Variants in HIVEP3 observed in about 807,000 individuals in gnomAD.
HIVEP3 encodes transcription factor HIVEP3.
A neutral mutation model predicts 152.8 loss-of-function variants in HIVEP3; 49 were observed. The observed-to-expected ratio is 0.32, with a 90% CI of 0.26 to 0.41. HIVEP3 has a LOEUF of 0.41. Among genes scored for constraint, HIVEP3 ranks in the 10% least tolerant of loss-of-function variants. The pLI is 1.00. For missense variants in HIVEP3, 2,790 were observed against 3,103.3 expected (o/e 0.90, Z 2.40); for synonymous variants, 1,269 against 1,289.0 (o/e 0.98, Z 0.33).
chr1:42,026,202 A>G (rs2124538143), intron 1 of HIVEP3, among the ~76,000 whole-genome samples: 1 of 152,176 alleles, frequency 6.6e-6, no homozygotes, highest in Admixed American at 6.5e-5. Flanking sequence ...AACTAGTTTT[A>G]TTTCTGGTTC....
At chr1:41,751,454 C>T (rs939382971) in intron 1 of HIVEP3, among the ~76,000 whole-genome samples, 4 of 150,250 alleles carry the variant, frequency 2.7e-5, no homozygotes, top group African/African-American at 9.8e-5. Flanking sequence ...TGAGTAGGTG[C>T]CTTTCTATAT....
chr1:41,895,270 C>T (rs1050532344), intron 1 of HIVEP3, among the ~76,000 whole-genome samples: 1 of 152,166 alleles, frequency 6.6e-6, no homozygotes, highest in Non-Finnish European at 1.5e-5. Flanking sequence ...TCCCCATGAA[C>T]CCAGTTCCCT....
At chr1:42,009,737 T>C (rs1645482426) in intron 1 of HIVEP3, among the ~76,000 whole-genome samples, 1 of 152,190 alleles carries the variant, frequency 6.6e-6, no homozygotes, top group Non-Finnish European at 1.5e-5. Context: ...AAGAATTTGA[T>C]TCTTCCTTTA....
chr1:41,930,143 T>G (rs1644989409), intron 1 of HIVEP3, among the ~76,000 whole-genome samples: 1 of 152,210 alleles, frequency 6.6e-6, no homozygotes. Context: ...CTCAGTATCC[T>G]GATTGATTTT....
chr1:42,022,664 A>G (rs2124536097), intron 1 of HIVEP3, among the ~76,000 whole-genome samples: 1 of 152,310 alleles, frequency 6.6e-6, no homozygotes, highest in East Asian at 1.9e-4. Context: ...ATATTTTTAA[A>G]CAATTGTCTG....
chr1:41,544,714 CCACCTGT>C (rs1643634671), intron 5 of HIVEP3, among the ~76,000 whole-genome samples: 1 of 147,302 alleles, frequency 6.8e-6, no homozygotes, highest in Admixed American at 6.7e-5. Context: ...ACCACCACTA[CCACCTGT>C]ACCACCACCG....
chr1:41,866,152 C>T (rs1643968202), intron 1 of HIVEP3, among the ~76,000 whole-genome samples: 1 of 152,190 alleles, frequency 6.6e-6, no homozygotes, highest in African/African-American at 2.4e-5. Flanking sequence ...TTTACACCAG[C>T]AGTGGTCAAA....
chr1:41,874,393 C>CTTT (rs1644132126), intron 1 of HIVEP3, among the ~76,000 whole-genome samples: 2 of 152,190 alleles, frequency 1.3e-5, no homozygotes, highest in African/African-American at 4.8e-5. Flanking sequence ...AGCTGGCTAG[C>CTTT]ACATAAACCT....
In HIVEP3 at chr1:41,873,597, T is replaced by A. The variant is rs191293928; in HGVS notation, c.-801+44816A>T. Among the ~76,000 whole-genome samples, 2 of 152,320 alleles carry A rather than the reference T, an allele frequency of 1.3e-5. No homozygotes were observed. The highest frequency in any genetic ancestry group is 3.9e-4 in the East Asian group (2 of 5,190). ...GACACTAAGCTGAAATTAGATAAAT[T>A]TAGGTTTTCTGTATTCTCGCTGACT... On this transcript the variant is annotated intron_variant, in intron 1 of 8. Coordinates refer to ENST00000372583, the MANE Select transcript of HIVEP3 (RefSeq NM_024503.5). The surrounding 1 kb of genome is among the most constrained non-coding windows in gnomAD (Gnocchi z 4.2).
At position 41,893,716 on chromosome 1, in the gene HIVEP3, T is replaced by TTG. The variant is rs199825615; in HGVS notation, c.-801+24695_-801+24696dup. Among the ~76,000 whole-genome samples the TTG allele has an allele frequency of 1.5e-3, 221 of 150,044 alleles. 6 individuals are homozygous for TTG. In the East Asian group the frequency reaches 0.039, roughly 27 times the overall value. ...TATATATATGTGTGTGTGTATGTGTTTGTGTGTGTGTATATAGATATACAT... is the reference window on the plus strand; with the variant it reads ...TATATATATGTGTGTGTGTATGTGTTTGTGTGTGTGTGTATATAGATATACAT... On this transcript the variant is annotated intron_variant, in intron 1 of 8. Coordinates refer to ENST00000372583, the MANE Select transcript of HIVEP3 (RefSeq NM_024503.5).
Position 41,582,613 on chromosome 1 carries a change from C to T in HIVEP3, c.2185G>A (p.Ala729Thr). The T allele has an allele frequency of 3.7e-6, 6 of 1,613,450 alleles. No individual in the cohort carries two copies. Reference protein sequence around the residue: ...KSLGDEEEPPAFESTKSQFGS... With the variant: ...KSLGDEEEPPTFESTKSQFGS... ...AACTGACTTTTTGTGGACTCAAAGG[C>T]AGGTGGCTCTTCCTCGTCCCCAAGG... is the stretch of plus-strand genomic sequence containing the variant. The change falls in exon 4 of 9, where the codon GCC becomes ACC. Residue 729 changes from alanine (A) to threonine (T), a missense_variant. Physicochemically the swap from Ala to Thr is moderately conservative, Grantham distance 58. This residue lies in a region of HIVEP3 where 339 missense variants were observed against 327.0 expected (regional missense o/e 1.04). Coordinates refer to ENST00000372583, the MANE Select transcript of HIVEP3 (RefSeq NM_024503.5). This position sits in a 1 kb window ranked among gnomAD's most constrained non-coding sequence, Gnocchi z 4.7.
chr1:41,971,239 A>G (rs769583630), intron 1 of HIVEP3, among the ~76,000 whole-genome samples: 12 of 152,202 alleles, frequency 7.9e-5, no homozygotes, highest in Non-Finnish European at 1.6e-4. Flanking sequence ...GTAATCTGGC[A>G]TCTATAAAAA....
At chr1:41,920,787 G>T (rs1644937075), upstream of HIVEP3, among the ~76,000 whole-genome samples, 2 of 152,144 alleles carry the variant, frequency 1.3e-5, no homozygotes, top group African/African-American at 4.8e-5. Context: ...GTATCATGAT[G>T]CCACACAACT....
chr1:41,787,742 C>G (rs1034636233), intron 1 of HIVEP3, among the ~76,000 whole-genome samples: 1 of 151,556 alleles, frequency 6.6e-6, no homozygotes, highest in Non-Finnish European at 1.5e-5. Flanking sequence ...ACTATGTTGC[C>G]TAGGCTGGTC....
intron 1 of HIVEP3, among the ~76,000 whole-genome samples, chr1:41,945,751 G>A (rs184191543): frequency 6.6e-5 from 10 of 152,288 alleles, no homozygotes; most frequent in African/African-American, 2.4e-4. Context: ...ATTATTCAAT[G>A]ATGTCCACTA....
intron 2 of HIVEP3, among the ~76,000 whole-genome samples, chr1:41,630,674 C>T (rs1444006288): frequency 6.6e-6 from 1 of 152,190 alleles, no homozygotes; most frequent in Non-Finnish European, 1.5e-5. Flanking sequence ...GCTTGGAAAG[C>T]AGAATGTTCC....
chr1:41,523,085 G>A lies in HIVEP3; in HGVS notation c.5383+1650C>T, dbSNP rs557126700. ...ACTTTCTTCACCTTCAAGGGGACTTGGGTGATAAGTTTTCCACTTTTAGAG... is the reference window on the plus strand; with the variant it reads ...ACTTTCTTCACCTTCAAGGGGACTTAGGTGATAAGTTTTCCACTTTTAGAG... On this transcript the variant is annotated intron_variant, in intron 6 of 8. Coordinates refer to ENST00000372583, the MANE Select transcript of HIVEP3 (RefSeq NM_024503.5). Among the ~76,000 whole-genome samples, 187 of 152,374 alleles carry A rather than the reference G, an allele frequency of 1.2e-3. 1 individual carries two copies. The highest frequency in any genetic ancestry group is 2.9e-3 in the South Asian group (14 of 4,828).
At chr1:41,570,562 A>G (rs1384087176) in intron 5 of HIVEP3, among the ~76,000 whole-genome samples, 1 of 152,214 alleles carries the variant, frequency 6.6e-6, no homozygotes, top group Non-Finnish European at 1.5e-5. Context: ...CATGTGAATG[A>G]GTCAATTAAA....
chr1:41,710,549 GT>G (rs1646497815), intron 1 of HIVEP3, among the ~76,000 whole-genome samples: 1 of 152,122 alleles, frequency 6.6e-6, no homozygotes, highest in East Asian at 1.9e-4. Flanking sequence ...CCAATGGCTG[GT>G]CCCCTGCGCC....
Sources: allele counts gnomAD v4.1 joint callset (sites outside exome capture counted in the v4.1 genomes callset), GRCh38; gene constraint gnomAD v4.1.1; regional missense constraint gnomAD v4.1.1; non-coding constraint Gnocchi (gnomAD v3.1); transcripts MANE v1.5; gene names NCBI Gene and HGNC (gene_info 2026-07-23, HGNC 2026-07-21).